The following CERS6 variants were observed in gnomAD, a reference collection of about 807,000 sequenced individuals.
CERS6 encodes the protein LAG1 homolog, ceramide synthase 6.
CERS6 carries 26 observed loss-of-function variants against 56.8 expected under a neutral mutation model. That is an observed-to-expected ratio of 0.46 (90% CI 0.34 to 0.63). The LOEUF is 0.63. Ranked by LOEUF, CERS6 falls within the 30% of genes least tolerant of loss-of-function variation. The probability of loss-of-function intolerance (pLI) is 0.01; values close to 1 mark genes in which losing one functional copy is unlikely to be tolerated. For synonymous variants in CERS6, 164 were observed against 173.3 expected, an observed-to-expected ratio of 0.95 and a Z score of 0.42; for missense variants, 415 against 467.5, an observed-to-expected ratio of 0.89 and a Z score of 1.04.
chr2:168,619,300 C>G (rs942304453), intron 3 of CERS6, among the ~76,000 whole-genome samples: 23 of 152,088 alleles, frequency 1.5e-4, no homozygotes, highest in African/African-American at 5.1e-4. Flanking sequence ...TTGGCTTAAG[C>G]AAGTTTTTCA....
intron 3 of CERS6, among the ~76,000 whole-genome samples, chr2:168,593,106 A>G (rs544719717): frequency 1.4e-4 from 22 of 152,234 alleles, no homozygotes; most frequent in Middle Eastern, 3.4e-3. Flanking sequence ...TTTTCTCTCT[A>G]TGACACTCCT....
At chr2:168,640,375 T>C (rs553756870) in intron 4 of CERS6, among the ~76,000 whole-genome samples, 48 of 152,318 alleles carry the variant, frequency 3.2e-4, no homozygotes, top group African/African-American at 1.1e-3. Context: ...GGGTGTTCCA[T>C]TCCTGGCTAT....
intron 8 of CERS6, among the ~76,000 whole-genome samples, chr2:168,728,217 T>G (rs1335441995): frequency 6.6e-6 from 1 of 152,164 alleles, no homozygotes; most frequent in African/African-American, 2.4e-5. Context: ...GTATTTGCTC[T>G]CTGGTCTCTT....
intron 4 of CERS6, among the ~76,000 whole-genome samples, chr2:168,667,597 T>C (rs1422636656): frequency 6.6e-6 from 1 of 152,182 alleles, no homozygotes; most frequent in African/African-American, 2.4e-5. Flanking sequence ...TTTTTTTAAA[T>C]ATGTTCTCTC....
At chr2:168,557,422 A>G (rs942111954) in intron 2 of CERS6, among the ~76,000 whole-genome samples, 4 of 152,316 alleles carry the variant, frequency 2.6e-5, no homozygotes, top group Admixed American at 1.3e-4. Flanking sequence ...TTTATTTTGA[A>G]AATAGATAAG....
intron 8 of CERS6, among the ~76,000 whole-genome samples, chr2:168,753,957 C>T (rs923183594): frequency 2.6e-5 from 4 of 152,078 alleles, no homozygotes; most frequent in Non-Finnish European, 5.9e-5. Context: ...TCCCATCCTC[C>T]CTCTCCACCT....
intron 1 of CERS6, among the ~76,000 whole-genome samples, chr2:168,489,074 G>A (rs1694323430): frequency 6.6e-6 from 1 of 152,056 alleles, no homozygotes; most frequent in South Asian, 2.1e-4. Flanking sequence ...TTAGCTTTTT[G>A]TAGAGCAAGT....
At chr2:168,624,380 C>G (rs1684543823) in intron 3 of CERS6, among the ~76,000 whole-genome samples, 1 of 152,084 alleles carries the variant, frequency 6.6e-6, no homozygotes, top group Non-Finnish European at 1.5e-5. Context: ...TCTCTGGAGT[C>G]AAATTGCTTG....
intron 2 of CERS6, among the ~76,000 whole-genome samples, chr2:168,551,705 G>C (rs546058837): frequency 1.2e-4 from 18 of 152,140 alleles, no homozygotes; most frequent in African/African-American, 4.3e-4. Context: ...AAAATGTAGA[G>C]TGTTACGTCA....
intron 4 of CERS6, among the ~76,000 whole-genome samples, chr2:168,663,440 G>T (rs1294091620): frequency 6.6e-6 from 1 of 151,972 alleles, no homozygotes; most frequent in African/African-American, 2.4e-5. Flanking sequence ...GTAAAGAGGG[G>T]TCTCACTATG....
Position 168,691,174 on chromosome 2 carries a change from G to A in CERS6, c.516+90G>A, listed in dbSNP as rs1053339279. ...GTCTCAGGCAGGCCCCAACAGGTTG[G>A]ACAACCACCTTCATTTTTGGCCCCA... On this transcript the variant is annotated intron_variant, in intron 5 of 9. Coordinates refer to ENST00000305747, the MANE Select transcript of CERS6 (RefSeq NM_203463.3). 4 of 1,178,354 alleles carry A rather than the reference G, an allele frequency of 3.4e-6. No homozygotes were observed. In the African/African-American group the frequency reaches 6.1e-5, roughly 18 times the overall value. The allele number at this position is 1,178,354 out of a possible 1,614,324, so 73.0% of individuals were successfully genotyped here.
chr2:168,631,685 TTA>T (rs1256321193), intron 4 of CERS6, among the ~76,000 whole-genome samples: 6 of 50,070 alleles, frequency 1.2e-4, no homozygotes, highest in East Asian at 1.2e-3. Flanking sequence ...ATATTTATAT[TTA>T]TATATATTTA....
intron 6 of CERS6, among the ~76,000 whole-genome samples, chr2:168,696,028 T>G (rs1255224386): frequency 2.0e-5 from 3 of 152,206 alleles, no homozygotes; most frequent in Admixed American, 6.5e-5. Flanking sequence ...TGCAAATCTG[T>G]AAGCATAATG....
chr2:168,714,949 T>G (rs939180983), intron 6 of CERS6, 52 bp from the exon 7 acceptor site: 1 of 1,555,492 alleles, frequency 6.4e-7, no homozygotes, highest in African/African-American at 1.4e-5. Context: ...AATGGCTAAA[T>G]GGAAATGTGA....
intron 4 of CERS6, among the ~76,000 whole-genome samples, chr2:168,653,805 A>G (rs879916413): frequency 2.6e-5 from 4 of 152,246 alleles, no homozygotes; most frequent in African/African-American, 9.6e-5. Context: ...TCCCTGTCTT[A>G]GCAATATGCC....
intron 3 of CERS6, among the ~76,000 whole-genome samples, chr2:168,628,402 A>G (rs992095638): frequency 6.6e-6 from 1 of 152,144 alleles, no homozygotes; most frequent in African/African-American, 2.4e-5. Flanking sequence ...CCCCATTTTC[A>G]GTGAAAGTTT....
chr2:168,675,362 AT>A (rs750550158), intron 4 of CERS6, among the ~76,000 whole-genome samples: 225 of 152,248 alleles, frequency 1.5e-3, no homozygotes, highest in Admixed American at 2.4e-3. Flanking sequence ...AGGCAGTTAA[AT>A]CATTTGAGCT....
At position 168,559,733 on chromosome 2, in the gene CERS6, T is replaced by TTATTTATATATA. The variant is rs61031993; in HGVS notation, c.277-1459_277-1458insTATTTATATATA. ...TGCTTGAGCTGCTTTTAGAAAGGTATCATATATATATATATATATATTTCA... is the reference window on the plus strand; with the variant it reads ...TGCTTGAGCTGCTTTTAGAAAGGTATTATTTATATATACATATATATATATATATATATTTCA... On this transcript the variant is annotated intron_variant, in intron 2 of 9. Coordinates refer to ENST00000305747, the MANE Select transcript of CERS6 (RefSeq NM_203463.3). Among the ~76,000 whole-genome samples the TTATTTATATATA allele has an allele frequency of 3.0e-5, 2 of 66,246 alleles. 1 individual carries two copies. The highest frequency in any genetic ancestry group is 9.9e-5 in the African/African-American group (2 of 20,176). The allele number at this position is 66,246 out of a possible 152,430, so 43.5% of individuals were successfully genotyped here.
At chr2:168,579,489 A>G (rs1181994335) in intron 3 of CERS6, among the ~76,000 whole-genome samples, 1 of 152,120 alleles carries the variant, frequency 6.6e-6, no homozygotes, top group Non-Finnish European at 1.5e-5. Context: ...CTTGCGTGCC[A>G]TGCTCTAGTA....
Sources: gnomAD v4.1 joint callset for allele counts (sites outside exome capture counted in the v4.1 genomes callset) on GRCh38, gnomAD v4.1.1 for gene constraint, MANE v1.5 for transcripts, NCBI Gene and HGNC (gene_info 2026-07-23, HGNC 2026-07-21) for gene names.